Variants in ANKRD17 observed in about 807,000 individuals in gnomAD.
ANKRD17 encodes ankyrin repeat domain-containing protein 17.
Under a neutral mutation model 229.7 loss-of-function variants are expected in ANKRD17, and 19 were observed. The observed-to-expected ratio is 0.08, with a 90% confidence interval of 0.06 to 0.12. The LOEUF is 0.12. ANKRD17 is among the 10% of genes least tolerant of loss of function. The probability of loss-of-function intolerance (pLI) is 1.00; values close to 1 mark genes in which losing one functional copy is unlikely to be tolerated. For synonymous variants in ANKRD17, 1,112 were observed against 1,146.1 expected (o/e 0.97, Z 0.60); for missense variants, 2,176 against 3,176.8 (o/e 0.68, Z 7.57).
At position 73,091,187 on chromosome 4, in the gene ANKRD17, C is replaced by T; in HGVS notation, c.6441G>A (p.Val2147=). ...TCACTGGGGCAGTAGAAGGCACCGC[C>T]ACTGGAGCAGAACTTGTTGCTAAAG... is the stretch of plus-strand genomic sequence containing the variant. The part of the protein sequence containing the change: ...VPPLATSSAP[V]AVPSTAPVTY... The change falls in exon 29 of 34, where the codon GTG becomes GTA. Residue 2147 remains valine (V), a synonymous_variant. Transcript: ENST00000358602. 6.2e-7 allele frequency: 1 copy of T among 1,614,164 alleles called. No homozygotes were observed. Among genetic ancestry groups the T allele is most frequent in the Non-Finnish European group, 8.5e-7 (1 of 1,180,044 alleles).
chr4:73,254,376 T>C (rs1236474643), intron 1 of ANKRD17, among the ~76,000 whole-genome samples: 2 of 152,206 alleles, frequency 1.3e-5, no homozygotes, highest in Non-Finnish European at 2.9e-5. Context: ...ACAGGTTACT[T>C]ACAAAAACAG....
chr4:73,241,473 T>A (rs907731414), intron 1 of ANKRD17, among the ~76,000 whole-genome samples: 1 of 152,166 alleles, frequency 6.6e-6, no homozygotes, highest in South Asian at 2.1e-4. Flanking sequence ...TCGAGAATAG[T>A]ATATTAACTA....
chr4:73,113,101 T>G, intron 24 of ANKRD17: 1 of 1,186,924 alleles, frequency 8.4e-7, no homozygotes, highest in East Asian at 6.1e-5. Flanking sequence ...GACCTTTTTA[T>G]AAAAGATGAG....
intron 2 of ANKRD17, among the ~76,000 whole-genome samples, chr4:73,174,105 G>GGAAGGAAGGAAGGAAGGAAGGAAA (rs1734409740): frequency 6.8e-6 from 1 of 146,978 alleles, no homozygotes; most frequent in Non-Finnish European, 1.5e-5. Context: ...AAGGAAGGAA[G>GGAAGGAAGGAAGGAAGGAAGGAAA]GAAGGAAGGA....
intron 1 of ANKRD17, among the ~76,000 whole-genome samples, chr4:73,205,110 T>TA (rs1341002686): frequency 6.6e-6 from 1 of 151,906 alleles, no homozygotes; most frequent in Non-Finnish European, 1.5e-5. Flanking sequence ...AGCTAGGAGT[T>TA]AAAGACCAGC....
intron 1 of ANKRD17, among the ~76,000 whole-genome samples, chr4:73,256,122 T>C (rs920837483): frequency 6.6e-6 from 1 of 152,218 alleles, no homozygotes; most frequent in African/African-American, 2.4e-5. Flanking sequence ...TAAGGTATGT[T>C]AAAAACATAG....
intron 8 of ANKRD17, among the ~76,000 whole-genome samples, chr4:73,148,598 C>T (rs1730599457): frequency 6.6e-6 from 1 of 152,180 alleles, no homozygotes; most frequent in African/African-American, 2.4e-5. Flanking sequence ...ACATATAGCA[C>T]ATGATGTCTC....
chr4:73,077,084 A>G lies in ANKRD17; in HGVS notation c.7608T>C (p.Tyr2536=). The G allele has an allele frequency of 5.0e-6, 8 of 1,594,904 alleles. No homozygotes were observed. The highest frequency in any genetic ancestry group is 6.8e-6 in the Non-Finnish European group (8 of 1,173,246). The change falls in exon 33 of 34, where the codon TAT becomes TAC. Residue 2536 remains tyrosine, a synonymous_variant. Coordinates refer to ENST00000358602, the MANE Select transcript of ANKRD17 (RefSeq NM_032217.5). The part of the protein sequence containing the change: ...PKVGGMPFSV[Y]GNAMIPPVAP... ...CTACTGGAGGAATCATTGCATTCCC[A>G]TACACAGAAAAAGGCATACCCTTAA... is the stretch of plus-strand genomic sequence containing the variant.
intron 23 of ANKRD17, 52 bp from the exon 24 acceptor site, chr4:73,113,960 G>C (rs1460970359): frequency 4.6e-6 from 6 of 1,316,632 alleles, no homozygotes; most frequent in South Asian, 1.3e-5. Context: ...TTCTCACTTA[G>C]AGAAATTCCT....
intron 1 of ANKRD17, among the ~76,000 whole-genome samples, chr4:73,237,300 C>G (rs1743594233): frequency 1.3e-5 from 2 of 152,240 alleles, no homozygotes; most frequent in Admixed American, 1.3e-4. Flanking sequence ...GCTGTAATAC[C>G]AAGCCTGTGT....
chr4:73,085,589 C>G, intron 29 of ANKRD17, 143 bp from the exon 30 acceptor site: 1 of 741,500 alleles, frequency 1.3e-6, no homozygotes, highest in South Asian at 1.9e-5. Context: ...TGGCCCACAT[C>G]TGTAATCCCA....
chr4:73,116,479 C>G (rs1375741657), intron 22 of ANKRD17, among the ~76,000 whole-genome samples: 1 of 152,166 alleles, frequency 6.6e-6, no homozygotes, highest in East Asian at 1.9e-4. Flanking sequence ...TCTTAAACGC[C>G]ATTCCCACTT....
chr4:73,129,234 T>C (rs974615194), intron 16 of ANKRD17, among the ~76,000 whole-genome samples: 5 of 152,212 alleles, frequency 3.3e-5, no homozygotes, highest in African/African-American at 1.2e-4. Flanking sequence ...TGATGAATTC[T>C]GGCTTATAAA....
At chr4:73,224,571 T>TA (rs537217038) in intron 1 of ANKRD17, among the ~76,000 whole-genome samples, 12 of 152,298 alleles carry the variant, frequency 7.9e-5, no homozygotes, top group Admixed American at 4.6e-4. Context: ...TTTCTTTTTT[T>TA]AAAAAAATAA....
intron 1 of ANKRD17, among the ~76,000 whole-genome samples, chr4:73,251,642 A>ACTT (rs1297737445): frequency 6.6e-6 from 1 of 152,116 alleles, no homozygotes; most frequent in Non-Finnish European, 1.5e-5. Context: ...AGCAGGCACT[A>ACTT]CTTCGCATAC....
intron 1 of ANKRD17, among the ~76,000 whole-genome samples, chr4:73,204,956 G>A (rs982483709): frequency 1.3e-5 from 2 of 151,838 alleles, no homozygotes; most frequent in African/African-American, 4.8e-5. Context: ...ACAAAAGAAT[G>A]GCCAAACCAA....
chr4:73,090,616 C>T (rs746382156), intron 29 of ANKRD17, 51 bp downstream of exon 29: 1 of 1,602,186 alleles, frequency 6.2e-7, no homozygotes, highest in Non-Finnish European at 8.5e-7. Flanking sequence ...AGAATTTTCA[C>T]ATCACTTGTG....
At chr4:73,176,438 C>G (rs1734746338) in intron 2 of ANKRD17, among the ~76,000 whole-genome samples, 1 of 152,012 alleles carries the variant, frequency 6.6e-6, no homozygotes, top group African/African-American at 2.4e-5. Context: ...ACCCAGCAAT[C>G]CCACTCCTAG....
In ANKRD17 at chr4:73,091,797, T is replaced by G. The variant is rs1411640822; in HGVS notation, c.5831A>C (p.His1944Pro). The stretch of plus-strand genomic sequence containing the variant: ...CTGATTGCTATGGCGAGGCACCATG[T>G]GAGGCTTAGGCGAGTTAGTAGCTCT... ...PARATNSPKP[H>P]MVPRHSNQNS... Residue 1944 changes from histidine to proline, a missense_variant, in exon 29 of 34, where the codon CAC becomes CCC. His to Pro is a moderately conservative substitution (Grantham distance 77, BLOSUM62 -2). Transcript: ENST00000358602. 6.2e-7 allele frequency: 1 copy of G among 1,614,070 alleles called. No individual in the cohort carries two copies. Among genetic ancestry groups the G allele is most frequent in the African/African-American group, 1.3e-5 (1 of 74,930 alleles).
Sources: gnomAD v4.1 joint callset for allele counts (sites outside exome capture counted in the v4.1 genomes callset) on GRCh38, gnomAD v4.1.1 for gene constraint, MANE v1.5 for transcripts, NCBI Gene and HGNC (gene_info 2026-07-23, HGNC 2026-07-21) for gene names.